ENOSF1: variants seen among roughly 807,000 people sequenced by gnomAD.
ENOSF1 encodes mitochondrial enolase superfamily member 1.
Under a neutral mutation model 68.2 loss-of-function variants are expected in ENOSF1, and 73 were observed. That is an observed-to-expected ratio of 1.07 (90% confidence interval 0.89 to 1.30). The LOEUF is 1.30. ENOSF1 is among the 50% of genes most tolerant of loss of function. The pLI, the probability that ENOSF1 is intolerant of heterozygous loss-of-function variation, is 0.00. For synonymous variants in ENOSF1, 223 were observed against 210.4 expected (o/e 1.06, Z -0.52); for missense variants, 589 against 554.5 (o/e 1.06, Z -0.62).
chr18:681,779 A>G lies in ENOSF1; in HGVS notation c.876+1467T>C, dbSNP rs541089865. Among the ~76,000 whole-genome samples, 658 of 152,300 alleles carry G rather than the reference A, an allele frequency of 4.3e-3. 7 individuals carry two copies. Among genetic ancestry groups the G allele is most frequent in the African/African-American group, 0.015 (617 of 41,572 alleles). Reference sequence around the variant, plus strand: ...TTGGCATTCAGTGCCCTGGCCCAGTATCCTCCGGTCTTTGTTTCACATATC... The same window carrying G: ...TTGGCATTCAGTGCCCTGGCCCAGTGTCCTCCGGTCTTTGTTTCACATATC... On this transcript the variant is annotated intron_variant, in intron 11 of 15. Coordinates refer to ENST00000647584, the MANE Select transcript of ENOSF1 (RefSeq NM_017512.7).
chr18:691,542 T>G (rs1453397810), intron 5 of ENOSF1: 3 of 363,264 alleles, frequency 8.3e-6, no homozygotes, highest in East Asian at 1.1e-4. Flanking sequence ...AGATGGGGTC[T>G]CACTATGTTG....
At chr18:669,309 G>A (rs1316711018), downstream of ENOSF1, 8 of 627,078 alleles carry the variant, frequency 1.3e-5, no homozygotes, top group African/African-American at 1.5e-4. Context: ...GTGTGACGTT[G>A]GGCAAGTCAC....
chr18:696,193 T>C (rs1281811040), intron 3 of ENOSF1, among the ~76,000 whole-genome samples: 5 of 147,528 alleles, frequency 3.4e-5, no homozygotes, highest in African/African-American at 1.3e-4. Context: ...GACCTTCTTT[T>C]ACATCTCTCT....
In ENOSF1 at chr18:675,300, G is replaced by A. The variant is rs202079998; in HGVS notation, c.1230+21C>T. The A allele has an allele frequency of 3.1e-6, 5 of 1,595,156 alleles. No homozygotes were observed. In the Admixed American group the frequency reaches 5.2e-5, roughly 16 times the overall value. ...TGGCTGGCAGCATCTCTTCTACAGG[G>A]GCCCTCAGGCCACAGCTTACCTTGG... On this transcript the variant is annotated intron_variant, in intron 15 of 15. Coordinates refer to ENST00000647584, the MANE Select transcript of ENOSF1 (RefSeq NM_017512.7).
intron 4 of ENOSF1, 46 bp downstream of exon 4, chr18:694,202 T>C (rs2077487999): frequency 6.4e-7 from 1 of 1,566,704 alleles, no homozygotes; most frequent in East Asian, 2.3e-5. Context: ...AAAGTCAGTG[T>C]CGTACAGCTC....
chr18:709,502 T>A (rs1198774046), intron 1 of ENOSF1, among the ~76,000 whole-genome samples: 1 of 152,154 alleles, frequency 6.6e-6, no homozygotes. Flanking sequence ...CCCGGAGTAG[T>A]GGCTCATGCC....
At chr18:685,026 A>AAT (rs1555652270) in intron 10 of ENOSF1, among the ~76,000 whole-genome samples, 1 of 151,702 alleles carries the variant, frequency 6.6e-6, no homozygotes, top group African/African-American at 2.4e-5. Flanking sequence ...CACCTGGTTA[A>AAT]TTTTTTTTCT....
intron 10 of ENOSF1, 29 bp downstream of exon 10, chr18:685,892 G>A: frequency 1.3e-6 from 2 of 1,534,596 alleles, no homozygotes; most frequent in Non-Finnish European, 1.8e-6. Flanking sequence ...AAAGGCTACT[G>A]CTTCTTAGTG....
chr18:668,525 T>C (rs1278578842), downstream of ENOSF1, among the ~76,000 whole-genome samples: 1 of 152,200 alleles, frequency 6.6e-6, no homozygotes, highest in Non-Finnish European at 1.5e-5. Flanking sequence ...TGTGTTGAGC[T>C]GCTAAACTCT....
At chr18:674,982 A>G (rs1317566244) in intron 15 of ENOSF1, among the ~76,000 whole-genome samples, 2 of 152,252 alleles carry the variant, frequency 1.3e-5, no homozygotes, top group African/African-American at 2.4e-5. Flanking sequence ...GAACATGATC[A>G]GAATAAATGG....
At position 673,188 on chromosome 18, in the gene ENOSF1, G is replaced by T; in HGVS notation, c.*1117C>A. On this transcript the variant is annotated 3_prime_UTR_variant, in exon 16 of 16. Transcript: ENST00000647584. ...TGTGCCAGTTCTTTCCATAATAAAA[G>T]GCTTTGAGTTAACTCACTGAGGGTA... is the stretch of plus-strand genomic sequence containing the variant. 1.9e-6 allele frequency: 1 copy of T among 521,134 alleles called. No homozygotes were observed. Among genetic ancestry groups the T allele is most frequent in the Non-Finnish European group, 3.1e-6 (1 of 317,562 alleles). The allele number at this position is 521,134 out of a possible 1,614,324, so 32.3% of individuals were successfully genotyped here. A position where few individuals can be genotyped will look rare whatever the true frequency, so the allele number is the denominator to read the frequency against.
chr18:672,679 A>G lies in ENOSF1; in HGVS notation c.*1626T>C. The G allele has an allele frequency of 3.6e-6, 2 of 557,062 alleles. No individual in the cohort carries two copies. Among genetic ancestry groups the G allele is most frequent in the Non-Finnish European group, 6.1e-6 (2 of 328,886 alleles). The allele number at this position is 557,062 out of a possible 1,614,324, so 34.5% of individuals were successfully genotyped here. A position where few individuals can be genotyped will look rare whatever the true frequency, so the allele number is the denominator to read the frequency against. On this transcript the variant is annotated 3_prime_UTR_variant, in exon 16 of 16. Transcript: ENST00000647584. ...ATACCCCTCACTCTCGATCTGTGCA[A>G]GAGAACAGCTGGTTGCGCTCCAATC...
At chr18:705,061 T>C (rs1016215231) in intron 2 of ENOSF1, among the ~76,000 whole-genome samples, 3 of 152,210 alleles carry the variant, frequency 2.0e-5, no homozygotes, top group African/African-American at 7.2e-5. Flanking sequence ...CAAGGAAGGT[T>C]CCCTTGCCAT....
intron 1 of ENOSF1, among the ~76,000 whole-genome samples, chr18:707,007 C>T (rs2079017706): frequency 1.3e-5 from 2 of 151,728 alleles, no homozygotes; most frequent in South Asian, 2.1e-4. Context: ...TTAATAGAGA[C>T]GAAGTTTCAC....
intron 2 of ENOSF1, among the ~76,000 whole-genome samples, chr18:697,991 G>A (rs963862191): frequency 1.3e-5 from 2 of 152,034 alleles, no homozygotes; most frequent in South Asian, 2.1e-4. Context: ...ACGCAGTTTC[G>A]ACATGCTGCC....
At chr18:706,702 A>AGG in intron 1 of ENOSF1, 124 bp from the exon 2 acceptor site, 2 of 674,298 alleles carry the variant, frequency 3.0e-6, no homozygotes, top group South Asian at 3.7e-5. Flanking sequence ...CTCCCATAGA[A>AGG]GGAACTGTTG....
intron 7 of ENOSF1, 191 bp downstream of exon 7, chr18:690,877 T>C (rs1598661010): frequency 1.6e-6 from 2 of 1,283,018 alleles, no homozygotes; most frequent in South Asian, 3.1e-5. Context: ...CTTTCAGCAG[T>C]GGCTGAAGCA....
At chr18:667,020 TGGAGATGGTGATGGA>T (rs2074846685), downstream of ENOSF1, among the ~76,000 whole-genome samples, 3 of 6,772 alleles carry the variant, frequency 4.4e-4, 1 homozygote, top group Non-Finnish European at 1.0e-3. Context: ...GTGATGGAGA[TGGAGATGGTGATGGA>T]GATGGTGATG....
At chr18:687,407 C>G (rs916965812) in intron 9 of ENOSF1, 1 of 152,192 alleles carries the variant, frequency 6.6e-6, no homozygotes, top group Non-Finnish European at 1.5e-5. Context: ...GATTCCCAGG[C>G]AGCGGGTCTG....
Sources: gnomAD v4.1 joint callset for allele counts (sites outside exome capture counted in the v4.1 genomes callset) on GRCh38, gnomAD v4.1.1 for gene constraint, MANE v1.5 for transcripts, NCBI Gene and HGNC (gene_info 2026-07-23, HGNC 2026-07-21) for gene names.